ENAH: variants seen among roughly 807,000 people sequenced by gnomAD.
ENAH encodes ENAH actin regulator, also known as protein enabled homolog.
Under a neutral mutation model 78.7 loss-of-function variants are expected in ENAH, and 23 were observed. The ratio of observed to expected loss-of-function variants is 0.29; its 90% CI spans 0.21 to 0.41. ENAH has a LOEUF of 0.41. Among genes scored for constraint, ENAH ranks in the 10% least tolerant of loss-of-function variants. The pLI, the probability that ENAH is intolerant of heterozygous loss-of-function variation, is 1.00. For missense variants in ENAH, 544 were observed against 691.0 expected, an observed-to-expected ratio of 0.79 and a Z score of 2.39; for synonymous variants, 226 against 241.0, an observed-to-expected ratio of 0.94 and a Z score of 0.58.
In ENAH at chr1:225,519,210, T is replaced by A. The variant is rs776445017; in HGVS notation, c.790A>T (p.Ile264Leu). ...EQLEWERERR[I>L]SSAAAPASVE... ...GTAAACTTCTTACCAGCACTTGATATTCTGCGCTCTCTCTCCCATTCCAGC... is the reference window on the plus strand; with the variant it reads ...GTAAACTTCTTACCAGCACTTGATAATCTGCGCTCTCTCTCCCATTCCAGC... Residue 264 changes from isoleucine to leucine, a missense_variant, in exon 5 of 14, where the codon ATA (isoleucine) becomes TTA (leucine). This residue lies in a region of ENAH where 366 missense variants were observed against 396.1 expected (regional missense o/e 0.92). Transcript: ENST00000366843. 2 of 1,613,956 alleles carry A rather than the reference T, an allele frequency of 1.2e-6. No homozygotes were observed. Among genetic ancestry groups the A allele is most frequent in the Non-Finnish European group, 1.7e-6 (2 of 1,179,938 alleles).
intron 1 of ENAH, among the ~76,000 whole-genome samples, chr1:225,589,128 A>G (rs2147858276): frequency 6.6e-6 from 1 of 152,292 alleles, no homozygotes; most frequent in East Asian, 1.9e-4. Context: ...TATAGTAGAA[A>G]CAAAACAGTA....
chr1:225,550,029 G>A (rs1480419962), intron 3 of ENAH, among the ~76,000 whole-genome samples: 2 of 152,140 alleles, frequency 1.3e-5, no homozygotes, highest in Non-Finnish European at 2.9e-5. Context: ...ATGCACACTC[G>A]TCAGCACTAG....
intron 1 of ENAH, among the ~76,000 whole-genome samples, chr1:225,643,019 A>G (rs927070600): frequency 2.0e-5 from 3 of 152,218 alleles, no homozygotes; most frequent in Admixed American, 6.5e-5. Flanking sequence ...AAAAACTGAT[A>G]CAACTCCCTT....
chr1:225,650,848 TAAAAAAAAAAAAAAAA>T (rs746549168), intron 1 of ENAH, among the ~76,000 whole-genome samples: 6 of 58,938 alleles, frequency 1.0e-4, no homozygotes, highest in Admixed American at 4.6e-4. Flanking sequence ...AGACTGCATT[TAAAAAAAAAAAAAAAA>T]AAAAAAAAAA....
At chr1:225,577,084 T>C (rs1279315811) in intron 1 of ENAH, among the ~76,000 whole-genome samples, 1 of 152,142 alleles carries the variant, frequency 6.6e-6, no homozygotes, top group Non-Finnish European at 1.5e-5. Flanking sequence ...GCCACTGCAC[T>C]CCAACCTGGG....
chr1:225,567,404 T>C lies in ENAH; in HGVS notation c.16A>G (p.Ile6Val). Residue 6 changes from isoleucine to valine, a missense_variant, in exon 2 of 14, where the codon ATC becomes GTC. Physicochemically the swap from Ile to Val is conservative, Grantham distance 29. This residue lies in a region of ENAH where 77 missense variants were observed against 151.8 expected (regional missense o/e 0.51). Coordinates refer to ENST00000366843, the MANE Select transcript of ENAH (RefSeq NM_018212.6). MSEQS[I>V]CQARAAVMVY... ...ATCACAGCAGCTCTTGCCTGACAGATACTCTGTTCACTGTAAAAAATAAAA... is the reference window on the plus strand; with the variant it reads ...ATCACAGCAGCTCTTGCCTGACAGACACTCTGTTCACTGTAAAAAATAAAA... 1 of 1,607,568 alleles carries C rather than the reference T, an allele frequency of 6.2e-7. No homozygotes were observed. The highest frequency in any genetic ancestry group is 8.5e-7 in the Non-Finnish European group (1 of 1,177,344).
intron 1 of ENAH, among the ~76,000 whole-genome samples, chr1:225,597,386 A>AT (rs1458990199): frequency 2.0e-5 from 3 of 152,196 alleles, no homozygotes; most frequent in African/African-American, 7.2e-5. Context: ...AAGGCCAGGC[A>AT]TGGTGGCTCA....
intron 1 of ENAH, among the ~76,000 whole-genome samples, chr1:225,602,504 C>G (rs1216060650): frequency 5.9e-5 from 9 of 152,004 alleles, no homozygotes; most frequent in Non-Finnish European, 1.0e-4. Flanking sequence ...AGAAAAAACT[C>G]AGGTGGTTAT....
chr1:225,647,070 C>T (rs1558960720), intron 1 of ENAH, among the ~76,000 whole-genome samples: 1 of 150,386 alleles, frequency 6.6e-6, no homozygotes, highest in Non-Finnish European at 1.5e-5. Flanking sequence ...ACTAAAAATA[C>T]AAAAAATTAG....
intron 4 of ENAH, among the ~76,000 whole-genome samples, chr1:225,525,935 T>C (rs2096500640): frequency 1.3e-5 from 2 of 152,152 alleles, no homozygotes; most frequent in Admixed American, 6.5e-5. Context: ...TTTGGTGAGC[T>C]TTTTTGACCT....
chr1:225,564,874 A>G (rs189143157), intron 2 of ENAH, among the ~76,000 whole-genome samples: 3 of 151,648 alleles, frequency 2.0e-5, no homozygotes, highest in East Asian at 3.9e-4. Flanking sequence ...TTCCTACTAC[A>G]TACAATTAAG....
At chr1:225,616,556 C>T (rs1655733723) in intron 1 of ENAH, among the ~76,000 whole-genome samples, 1 of 151,752 alleles carries the variant, frequency 6.6e-6, no homozygotes, top group African/African-American at 2.4e-5. Context: ...TTCACAAGTA[C>T]ATGTTATATA....
chr1:225,599,796 TAAAAAAAAAA>T (rs34052384), intron 1 of ENAH, among the ~76,000 whole-genome samples: 1 of 83,008 alleles, frequency 1.2e-5, no homozygotes, highest in Non-Finnish European at 2.3e-5. Context: ...GACTCCGTCT[TAAAAAAAAAA>T]AAAAAAAAAA....
chr1:225,553,971 T>G (rs1212356515), intron 3 of ENAH, among the ~76,000 whole-genome samples: 3 of 152,212 alleles, frequency 2.0e-5, no homozygotes, highest in Non-Finnish European at 4.4e-5. Context: ...ACCAGCTAGA[T>G]GCTTCAACCC....
Position 225,633,821 on chromosome 1 carries a change from C to T in ENAH, c.5+18865G>A, listed in dbSNP as rs576848474. The stretch of plus-strand genomic sequence containing the variant: ...TTGCACCAGGTGTGAACAAACATTA[C>T]CCAAAGGTTAGCCTCAGAGATGCTC... On this transcript the variant is annotated intron_variant, in intron 1 of 13. Transcript: ENST00000366843. Among the ~76,000 whole-genome samples, 7 of 152,228 alleles carry T rather than the reference C, an allele frequency of 4.6e-5. No individual in the cohort carries two copies. In the East Asian group the frequency reaches 1.2e-3, roughly 25 times the overall value.
In ENAH at chr1:225,623,896, G is replaced by C. The variant is rs543611863; in HGVS notation, c.5+28790C>G. Reference sequence around the variant, plus strand: ...AAGCCACCGGGCCCAGTCAGTACCCGATAAGTAGTTTTTCACTCTTGACTT... The same window carrying C: ...AAGCCACCGGGCCCAGTCAGTACCCCATAAGTAGTTTTTCACTCTTGACTT... On this transcript the variant is annotated intron_variant, in intron 1 of 13. Transcript: ENST00000366843. Among the ~76,000 whole-genome samples the C allele has an allele frequency of 4.6e-5, 7 of 152,086 alleles. No homozygotes were observed. The South Asian group carries it at 1.5e-3, about 32-fold the overall frequency.
intron 2 of ENAH, among the ~76,000 whole-genome samples, chr1:225,562,602 A>AAC (rs2096713526): frequency 7.9e-6 from 1 of 126,974 alleles, no homozygotes; most frequent in Non-Finnish European, 1.7e-5. Context: ...AAAAAAAAAA[A>AAC]CACACCCAAG....
At chr1:225,588,752 C>T (rs1320288190) in intron 1 of ENAH, among the ~76,000 whole-genome samples, 1 of 144,970 alleles carries the variant, frequency 6.9e-6, no homozygotes, top group Non-Finnish European at 1.5e-5. Flanking sequence ...TTGCAGTGAG[C>T]CGAGGTCGTG....
chr1:225,581,560 T>A (rs1246680123), intron 1 of ENAH, among the ~76,000 whole-genome samples: 1 of 152,156 alleles, frequency 6.6e-6, no homozygotes, highest in African/African-American at 2.4e-5. Context: ...AAAGAAAAAC[T>A]AAAGCAGAAT....
Sources: allele counts gnomAD v4.1 joint callset (sites outside exome capture counted in the v4.1 genomes callset), GRCh38; gene constraint gnomAD v4.1.1; regional missense constraint gnomAD v4.1.1; transcripts MANE v1.5; gene names NCBI Gene and HGNC (gene_info 2026-07-23, HGNC 2026-07-21).